The following PHTF2 variants were observed in gnomAD, a reference collection of about 807,000 sequenced individuals.
The protein encoded by PHTF2 is putative homeodomain transcription factor 2.
PHTF2 carries 60 observed loss-of-function variants against 101.2 expected under a neutral mutation model. That is an observed-to-expected ratio of 0.59 (90% CI 0.48 to 0.73). PHTF2 has a LOEUF of 0.73. Ranked by LOEUF, PHTF2 falls within the 30% of genes least tolerant of loss-of-function variation. The pLI is 0.00. For missense variants in PHTF2, 747 were observed against 908.7 expected, an observed-to-expected ratio of 0.82 and a Z score of 2.29; for synonymous variants, 311 against 307.3, an observed-to-expected ratio of 1.01 and a Z score of -0.13.
intron 1 of PHTF2, among the ~76,000 whole-genome samples, chr7:77,804,518 G>T (rs1391821095): frequency 1.3e-5 from 2 of 152,182 alleles, no homozygotes; most frequent in Non-Finnish European, 2.9e-5. Flanking sequence ...TAGAGATGAG[G>T]TTTCACCTTG....
intron 3 of PHTF2, among the ~76,000 whole-genome samples, chr7:77,866,849 G>A (rs1798108947): frequency 6.6e-6 from 1 of 152,072 alleles, no homozygotes; most frequent in African/African-American, 2.4e-5. Flanking sequence ...TTTATATTTT[G>A]TACACATGAT....
chr7:77,923,319 TTCTAA>T (rs1389738174), intron 11 of PHTF2: 3 of 946,018 alleles, frequency 3.2e-6, no homozygotes, highest in Non-Finnish European at 3.8e-6. Context: ...TATTTTCAGT[TTCTAA>T]TCTAAGGGTA....
chr7:77,902,832 A>G (rs13247551), intron 7 of PHTF2, among the ~76,000 whole-genome samples: 25,886 of 152,082 alleles, frequency 0.17, 2,559 homozygotes, highest in African/African-American at 0.27. Context: ...GCAGACTGTT[A>G]TTTAGATAAA....
At chr7:77,947,322 G>A (rs190696228) in intron 16 of PHTF2, among the ~76,000 whole-genome samples, 2 of 151,922 alleles carry the variant, frequency 1.3e-5, no homozygotes, top group African/African-American at 4.8e-5. Flanking sequence ...AGCACTTTGG[G>A]AGGCCTACGT....
chr7:77,957,277 G>T (rs1426577042), exon 20 of PHTF2: 2 of 150,986 alleles, frequency 1.3e-5, no homozygotes, highest in Admixed American at 1.3e-4. Context: ...TGGTAATTTT[G>T]TGTTTACTTA....
Position 77,900,694 on chromosome 7 carries a change from C to T in PHTF2, c.217-17C>T. ...AAGTATATATACAATTCCAATGCTT[C>T]TTTTGATATATTATAGGGGCTAAGG... On this transcript the variant is annotated splice_polypyrimidine_tract_variant and intron_variant, in intron 5 of 19. Transcript: ENST00000416283. 1 of 1,314,520 alleles carries T rather than the reference C, an allele frequency of 7.6e-7. No homozygotes were observed. The highest frequency in any genetic ancestry group is 1.1e-6 in the Non-Finnish European group (1 of 907,760). 81.4% of individuals were successfully genotyped at this position (1,314,520 alleles called of 1,614,324 possible).
At chr7:77,804,532 G>C (rs1368756922) in intron 1 of PHTF2, among the ~76,000 whole-genome samples, 8 of 152,238 alleles carry the variant, frequency 5.3e-5, no homozygotes, top group African/African-American at 1.9e-4. Flanking sequence ...CACCTTGTTG[G>C]CCAGGCTGGT....
chr7:77,895,307 A>G, intron 5 of PHTF2: 1 of 290,824 alleles, frequency 3.4e-6, no homozygotes, highest in Admixed American at 4.8e-5. Flanking sequence ...AGAACAGAGC[A>G]TTGGGAAATA....
chr7:77,818,423 GT>G (rs1049127535), intron 1 of PHTF2, among the ~76,000 whole-genome samples: 1 of 152,106 alleles, frequency 6.6e-6, no homozygotes, highest in African/African-American at 2.4e-5. Flanking sequence ...TCATTTTGGG[GT>G]TGATTTTTGT....
In PHTF2 at chr7:77,929,089, A is replaced by C. The variant is rs938326505; in HGVS notation, c.1120-20A>C. ...AGAGTACATAAATTGTATTAATGTCAAAGAATATCTTGATTTCAGGACGCC... is the reference window on the plus strand; with the variant it reads ...AGAGTACATAAATTGTATTAATGTCCAAGAATATCTTGATTTCAGGACGCC... On this transcript the variant is annotated intron_variant, in intron 11 of 19. Transcript: ENST00000416283. 3.2e-6 allele frequency: 5 copies of C among 1,570,680 alleles called. No homozygotes were observed. Among genetic ancestry groups the C allele is most frequent in the Non-Finnish European group, 4.4e-6 (5 of 1,141,914 alleles).
chr7:77,942,418 G>A (rs920631901), intron 15 of PHTF2, among the ~76,000 whole-genome samples: 3 of 152,062 alleles, frequency 2.0e-5, no homozygotes, highest in Non-Finnish European at 2.9e-5. Flanking sequence ...AATATTTGTC[G>A]AATAAATGAC....
chr7:77,865,268 C>T (rs1179680917), intron 3 of PHTF2, among the ~76,000 whole-genome samples: 1 of 151,966 alleles, frequency 6.6e-6, no homozygotes, highest in Non-Finnish European at 1.5e-5. Flanking sequence ...CTCTGTTGCC[C>T]AGGCTGGAGT....
intron 16 of PHTF2, among the ~76,000 whole-genome samples, chr7:77,945,382 T>C (rs1805964994): frequency 6.6e-6 from 1 of 152,030 alleles, no homozygotes; most frequent in Non-Finnish European, 1.5e-5. Flanking sequence ...AAAAACAACA[T>C]TTGGAGAAAT....
At chr7:77,817,172 T>A (rs1428446275) in intron 1 of PHTF2, among the ~76,000 whole-genome samples, 1 of 152,244 alleles carries the variant, frequency 6.6e-6, no homozygotes, top group Non-Finnish European at 1.5e-5. Flanking sequence ...TGTACTAGTT[T>A]ACATTCCTAC....
intron 1 of PHTF2, among the ~76,000 whole-genome samples, chr7:77,832,557 T>C (rs892209499): frequency 5.9e-5 from 9 of 152,232 alleles, no homozygotes; most frequent in Non-Finnish European, 1.3e-4. Flanking sequence ...AGGCGGACTA[T>C]CCTGAGATTG....
chr7:77,925,476 A>C (rs969651444), intron 11 of PHTF2, among the ~76,000 whole-genome samples: 7 of 131,334 alleles, frequency 5.3e-5, no homozygotes, highest in African/African-American at 2.1e-4. Flanking sequence ...TTAGGCAATT[A>C]TAGGCAATAG....
chr7:77,853,922 C>T (rs999879861), intron 2 of PHTF2, among the ~76,000 whole-genome samples: 11 of 152,084 alleles, frequency 7.2e-5, no homozygotes, highest in African/African-American at 2.4e-4. Context: ...ACCTTTGTTA[C>T]TCGGGAATTG....
intron 3 of PHTF2, among the ~76,000 whole-genome samples, chr7:77,878,039 G>A (rs1351209097): frequency 6.6e-6 from 1 of 152,082 alleles, no homozygotes; most frequent in Non-Finnish European, 1.5e-5. Flanking sequence ...GCTTAGTGAT[G>A]TAGTTGCCCA....
At chr7:77,912,710 C>CTTTTTTTTTTTTTT (rs536966733) in intron 9 of PHTF2, among the ~76,000 whole-genome samples, 1 of 80,438 alleles carries the variant, frequency 1.2e-5, no homozygotes, top group Non-Finnish European at 2.4e-5. Context: ...AGAGAACCAC[C>CTTTTTTTTTTTTTT]TTTTTTTTTT....
Sources: allele counts gnomAD v4.1 joint callset (sites outside exome capture counted in the v4.1 genomes callset), GRCh38; gene constraint gnomAD v4.1.1; transcripts MANE v1.5; gene names NCBI Gene and HGNC (gene_info 2026-07-23, HGNC 2026-07-21).